FSHR: variants seen among roughly 807,000 people sequenced by gnomAD.
FSHR encodes the protein follicle stimulating hormone receptor.
FSHR carries 46 observed loss-of-function variants against 52.1 expected under a neutral mutation model. That is an observed-to-expected ratio of 0.88 (90% confidence interval 0.70 to 1.13). The LOEUF (loss-of-function observed/expected upper bound fraction) is 1.13. Ranked by LOEUF, FSHR falls within the 50% of genes most tolerant of loss-of-function variation. FSHR has a pLI of 0.00. For synonymous variants in FSHR, 399 were observed against 309.6 expected (o/e 1.29, Z -3.03); for missense variants, 964 against 834.6 (o/e 1.16, Z -1.91).
intron 2 of FSHR, among the ~76,000 whole-genome samples, chr2:49,022,416 G>A (rs1667758967): frequency 6.6e-6 from 1 of 152,112 alleles, no homozygotes; most frequent in South Asian, 2.1e-4. Context: ...AGGGTTGGGG[G>A]CAGGTGAACA....
At position 49,023,239 on chromosome 2, in the gene FSHR, C is replaced by T. The variant is rs894164065; in HGVS notation, c.225-3079G>A. On this transcript the variant is annotated intron_variant, in intron 2 of 9. Coordinates refer to ENST00000406846, the MANE Select transcript of FSHR (RefSeq NM_000145.4). ...TTTCATTTCTCAGCTGAAGCAATCA[C>T]AACCATGTTTTGTCGTTGCTTTTTT... Among the ~76,000 whole-genome samples the T allele has an allele frequency of 2.6e-5, 4 of 152,194 alleles. No individual in the cohort carries two copies. In the South Asian group the frequency reaches 8.3e-4, roughly 31 times the overall value.
chr2:49,092,242 C>G (rs183812452), intron 1 of FSHR, among the ~76,000 whole-genome samples: 17 of 152,294 alleles, frequency 1.1e-4, no homozygotes, highest in Non-Finnish European at 2.4e-4. Context: ...GTTAAACTCA[C>G]TTTGTAGTTA....
chr2:49,137,376 T>C (rs1672524859), intron 1 of FSHR, among the ~76,000 whole-genome samples: 2 of 152,224 alleles, frequency 1.3e-5, no homozygotes, highest in Middle Eastern at 3.4e-3. Flanking sequence ...TACATATTCA[T>C]AGGTCAGAAG....
chr2:49,010,676 T>G (rs1433142366), intron 4 of FSHR, among the ~76,000 whole-genome samples: 1 of 151,824 alleles, frequency 6.6e-6, no homozygotes, highest in Admixed American at 6.6e-5. Context: ...TTTTGGTTGG[T>G]AAGCTATTGA....
chr2:49,098,721 A>G (rs945691433), intron 1 of FSHR, among the ~76,000 whole-genome samples: 5 of 147,374 alleles, frequency 3.4e-5, no homozygotes, highest in African/African-American at 7.4e-5. Context: ...TATATTATCC[A>G]TATATTACCC....
Position 48,977,399 on chromosome 2 carries a change from G to T in FSHR, c.668+5513C>A, listed in dbSNP as rs114028183. On this transcript the variant is annotated intron_variant, in intron 8 of 9. Coordinates refer to ENST00000406846, the MANE Select transcript of FSHR (RefSeq NM_000145.4). ...TCAAAGCTGGATTTTTGTAAGATTA[G>T]TCTTGAGAACCTTGATACCAGCATA... is the stretch of plus-strand genomic sequence containing the variant. Among the ~76,000 whole-genome samples, 1,460 of 152,240 alleles carry T rather than the reference G, an allele frequency of 9.6e-3. 28 individuals carry two copies. Among genetic ancestry groups the T allele is most frequent in the African/African-American group, 0.034 (1,400 of 41,556 alleles).
rs142770044 is a variant in FSHR, at chr2:48,965,272, G to A, written c.855-1306C>T. ...CTTGCCCCATCAACCTGGATGAGAA[G>A]GGTCTGTTAGGAAGAGTGCTCTCCT... On this transcript the variant is annotated intron_variant, in intron 9 of 9. Coordinates refer to ENST00000406846, the MANE Select transcript of FSHR (RefSeq NM_000145.4). Among the ~76,000 whole-genome samples the A allele has an allele frequency of 6.6e-3, 1,002 of 152,266 alleles. 13 individuals are homozygous for A. Among genetic ancestry groups the A allele is most frequent in the African/African-American group, 0.023 (964 of 41,540 alleles).
chr2:48,964,330 C>A (rs1017692553), intron 9 of FSHR, among the ~76,000 whole-genome samples: 1 of 152,148 alleles, frequency 6.6e-6, no homozygotes, highest in African/African-American at 2.4e-5. Context: ...TCTCTTAATA[C>A]ACCTGAGTAG....
intron 4 of FSHR, among the ~76,000 whole-genome samples, chr2:49,013,108 T>C (rs72875990): frequency 0.035 from 5,365 of 151,500 alleles, 182 homozygotes; most frequent in African/African-American, 0.09. Flanking sequence ...CCTCTCTCTC[T>C]CTTTCTCTAT....
In FSHR at chr2:49,079,633, C is replaced by T. The variant is rs974284244; in HGVS notation, c.153-11343G>A. 3.9e-5 allele frequency among the ~76,000 whole-genome samples: 6 copies of T among 152,042 alleles called. No individual in the cohort carries two copies. The South Asian group carries it at 6.2e-4, about 16-fold the overall frequency. Reference sequence around the variant, plus strand: ...TAAATGACAGTGTATCATCAAAAATCAGTGGTGGACAATATGGACTAATCA... The same window carrying T: ...TAAATGACAGTGTATCATCAAAAATTAGTGGTGGACAATATGGACTAATCA... On this transcript the variant is annotated intron_variant, in intron 1 of 9. Coordinates refer to ENST00000406846, the MANE Select transcript of FSHR (RefSeq NM_000145.4).
At chr2:49,029,168 A>C (rs901739653) in intron 2 of FSHR, among the ~76,000 whole-genome samples, 1 of 152,202 alleles carries the variant, frequency 6.6e-6, no homozygotes, top group African/African-American at 2.4e-5. Context: ...TCTATATTTG[A>C]CCTAATTTAA....
At chr2:49,111,461 C>A (rs572743743) in intron 1 of FSHR, among the ~76,000 whole-genome samples, 4 of 152,248 alleles carry the variant, frequency 2.6e-5, no homozygotes, top group African/African-American at 7.2e-5. Flanking sequence ...ATTTCTCCAG[C>A]GGGCCGAGGA....
In FSHR at chr2:48,963,592, C is replaced by A. The variant is rs747089617; in HGVS notation, c.1229G>T (p.Cys410Phe). Reference sequence around the variant, plus strand: ...AATGAGCAGCAGGTAGATTCCAATGCAGAGATCAGCAAAGGCCAGGTTGCA... The same window carrying A: ...AATGAGCAGCAGGTAGATTCCAATGAAGAGATCAGCAAAGGCCAGGTTGCA... ...LMCNLAFADL[C>F]IGIYLLLIAS... The change falls in exon 10 of 10, where the codon TGC becomes TTC. Residue 410 changes from cysteine (C) to phenylalanine (F), a missense_variant. Physicochemically the swap from Cys to Phe is radical, Grantham distance 205. Coordinates refer to ENST00000406846, the MANE Select transcript of FSHR (RefSeq NM_000145.4). The A allele has an allele frequency of 3.7e-6, 6 of 1,614,134 alleles. No individual in the cohort carries two copies. In the African/African-American group the frequency reaches 8.0e-5, roughly 22 times the overall value.
intron 1 of FSHR, among the ~76,000 whole-genome samples, chr2:49,137,924 C>T (rs1487178103): frequency 1.3e-5 from 2 of 151,702 alleles, no homozygotes; most frequent in Middle Eastern, 3.4e-3. Context: ...ACCAAAAGCA[C>T]AAAAAAAGAA....
chr2:49,125,266 A>C (rs921355168), intron 1 of FSHR, among the ~76,000 whole-genome samples: 2 of 152,138 alleles, frequency 1.3e-5, no homozygotes, highest in African/African-American at 4.8e-5. Context: ...AACAAGAGGA[A>C]TTGTCTTGGG....
In FSHR at chr2:48,963,439, G is replaced by T. The variant is rs780625359; in HGVS notation, c.1382C>A (p.Thr461Lys). Residue 461 changes from threonine (T) to lysine (K), a missense_variant, in exon 10 of 10, where the codon ACA becomes AAA. Coordinates refer to ENST00000406846, the MANE Select transcript of FSHR (RefSeq NM_000145.4). ...ATGCCATCTTTCCAAGGTGATAGCTGTCAGAGTGTAGACTGACAGCTCACT... is the reference window on the plus strand; with the variant it reads ...ATGCCATCTTTCCAAGGTGATAGCTTTCAGAGTGTAGACTGACAGCTCACT... ...FASELSVYTLTAITLERWHTI... is the reference protein window; with the variant it reads ...FASELSVYTLKAITLERWHTI... 6.2e-7 allele frequency: 1 copy of T among 1,614,152 alleles called. No individual in the cohort carries two copies. The highest frequency in any genetic ancestry group is 8.5e-7 in the Non-Finnish European group (1 of 1,180,026).
At chr2:49,109,839 A>T (rs1025358556) in intron 1 of FSHR, among the ~76,000 whole-genome samples, 1 of 152,194 alleles carries the variant, frequency 6.6e-6, no homozygotes, top group Admixed American at 6.5e-5. Flanking sequence ...AAAGGATAAG[A>T]TATCCTTCTG....
intron 1 of FSHR, among the ~76,000 whole-genome samples, chr2:49,152,167 CT>C (rs1673086039): frequency 1.3e-5 from 2 of 152,112 alleles, no homozygotes; most frequent in Admixed American, 6.6e-5. Flanking sequence ...CAGGAACTTT[CT>C]TTCCTTTTCT....
intron 4 of FSHR, among the ~76,000 whole-genome samples, chr2:49,013,732 T>C (rs575871784): frequency 1.3e-5 from 2 of 151,434 alleles, no homozygotes; most frequent in South Asian, 4.2e-4. Context: ...TGTGCAAACA[T>C]TTTGTATAGT....
Sources: gnomAD v4.1 joint callset for allele counts (sites outside exome capture counted in the v4.1 genomes callset) on GRCh38, gnomAD v4.1.1 for gene constraint, MANE v1.5 for transcripts, NCBI Gene and HGNC (gene_info 2026-07-23, HGNC 2026-07-21) for gene names.